The following CFAP251 variants were observed in gnomAD, a reference collection of about 807,000 sequenced individuals.
CFAP251 encodes the protein cilia- and flagella-associated protein 251.
In CFAP251, 93 loss-of-function variants were observed where a neutral mutation model predicts 126.7. The observed-to-expected ratio is 0.73, with a 90% CI of 0.62 to 0.87. CFAP251 has a LOEUF of 0.87. Among genes scored for constraint, CFAP251 ranks in the 40% least tolerant of loss-of-function variants. CFAP251 has a pLI of 0.00. For synonymous variants in CFAP251, 503 were observed against 506.9 expected (o/e 0.99, Z 0.10); for missense variants, 1,287 against 1,389.2 (o/e 0.93, Z 1.17).
intron 19 of CFAP251, among the ~76,000 whole-genome samples, chr12:121,977,960 G>GA (rs1445385680): frequency 6.8e-6 from 1 of 146,750 alleles, no homozygotes; most frequent in Non-Finnish European, 1.5e-5. Context: ...CTCCATCTCA[G>GA]AAAAATAAAA....
rs181847397 is a variant in CFAP251, at chr12:121,938,879, A to T, written c.999-3655A>T. 5.5e-3 allele frequency among the ~76,000 whole-genome samples: 841 copies of T among 151,718 alleles called. 6 individuals carry two copies. Among genetic ancestry groups the T allele is most frequent in the African/African-American group, 0.019 (780 of 41,368 alleles). ...ATGGTGCACTCCTGTAATCCCACCT[A>T]CTCAGAAGGCTGAGACAGAATCGCT... On this transcript the variant is annotated intron_variant, in intron 5 of 21. Coordinates refer to ENST00000288912, the MANE Select transcript of CFAP251 (RefSeq NM_144668.6).
rs760622578 is a variant in CFAP251, at chr12:121,923,802, G to A, written c.559G>A (p.Asp187Asn). 9.9e-6 allele frequency: 16 copies of A among 1,613,958 alleles called. No individual in the cohort carries two copies. The highest frequency in any genetic ancestry group is 5.0e-5 in the Admixed American group (3 of 59,984). Residue 187 changes from aspartate (D) to asparagine (N), a missense_variant, in exon 3 of 22, where the codon GAC becomes AAC. Coordinates refer to ENST00000288912, the MANE Select transcript of CFAP251 (RefSeq NM_144668.6). ...CTCAGGAGAGCTTGAGGAGAAAACC[G>A]ACCGGATGCCCCAAGATGAACTGGG... Reference protein sequence around the residue: ...QPSGELEEKTDRMPQDELGQE... With the variant: ...QPSGELEEKTNRMPQDELGQE...
intron 2 of CFAP251, among the ~76,000 whole-genome samples, chr12:121,923,047 G>A (rs1400761922): frequency 2.0e-5 from 3 of 151,958 alleles, no homozygotes; most frequent in Admixed American, 6.6e-5. Flanking sequence ...TGCCCGCCTC[G>A]GCCTCCCAAA....
chr12:122,000,888 T>C (rs1399816554), intron 20 of CFAP251, among the ~76,000 whole-genome samples: 1 of 151,636 alleles, frequency 6.6e-6, no homozygotes, highest in Non-Finnish European at 1.5e-5. Context: ...CTCTAGATCA[T>C]TTTTGTGTCT....
At chr12:121,985,647 G>T (rs1593003506) in intron 19 of CFAP251, among the ~76,000 whole-genome samples, 1 of 151,522 alleles carries the variant, frequency 6.6e-6, no homozygotes, top group Middle Eastern at 3.4e-3. Context: ...TAAATATTGA[G>T]ATGGAGTCTC....
rs941575141 is a variant in CFAP251, at chr12:121,918,642, G to C, written c.-74G>C. The C allele has an allele frequency of 6.5e-6, 1 of 153,538 alleles. No homozygotes were observed. Among genetic ancestry groups the C allele is most frequent in the Non-Finnish European group, 1.4e-5 (1 of 69,064 alleles). 9.5% of individuals were successfully genotyped at this position (153,538 alleles called of 1,614,324 possible). A position where few individuals can be genotyped will look rare whatever the true frequency, so the allele number is the denominator to read the frequency against. ...TGGCGGCCGCTGGAAGGAGGCCCGG[G>C]AGGTGGCTGAGGGGTCCAGGCGGCG... On this transcript the variant is annotated 5_prime_UTR_variant, in exon 1 of 22. Coordinates refer to ENST00000288912, the MANE Select transcript of CFAP251 (RefSeq NM_144668.6). The surrounding 1 kb of genome is among the most constrained non-coding windows in gnomAD (Gnocchi z 4.3).
In CFAP251 at chr12:121,921,491, G is replaced by GGAGGAGGAAGAGAAA. The variant is rs142042908; in HGVS notation, c.194_195insAGAGAAAGAGGAGGA (p.Glu65_Gly66insGluLysGluGluGlu). The GGAGGAGGAAGAGAAA allele has an allele frequency of 2.3e-4, 363 of 1,608,004 alleles. No individual in the cohort carries two copies. The African/African-American group carries it at 3.0e-3, about 13-fold the overall frequency. On this transcript the variant is annotated inframe_insertion, in exon 2 of 22. Transcript: ENST00000288912. ...AGAGGAAAACGGGCGAGGAGGAAGG[G>GGAGGAGGAAGAGAAA]GAGGAGGAGGGGAAGGAGGACAAAA...
chr12:121,943,758 A>C (rs1395495358), intron 7 of CFAP251, among the ~76,000 whole-genome samples: 1 of 152,058 alleles, frequency 6.6e-6, no homozygotes, highest in Non-Finnish European at 1.5e-5. Context: ...TCATTTCCTG[A>C]TCTTGTTTTA....
intron 17 of CFAP251, chr12:121,968,846 G>A (rs11043276): frequency 0.083 from 80,846 of 974,954 alleles, 11,179 homozygotes; most frequent in African/African-American, 0.55. Flanking sequence ...CAAAGTACTC[G>A]GCAAGTGAAT....
intron 10 of CFAP251, 39 bp from the exon 11 acceptor site, chr12:121,957,035 T>G (rs1303684398): frequency 1.3e-6 from 2 of 1,495,766 alleles, no homozygotes; most frequent in Admixed American, 4.3e-5. Context: ...TACTTGTTAT[T>G]ATTGCTATTT....
At chr12:121,979,536 G>A (rs1049169009) in intron 19 of CFAP251, among the ~76,000 whole-genome samples, 6 of 139,390 alleles carry the variant, frequency 4.3e-5, no homozygotes, top group African/African-American at 1.6e-4. Flanking sequence ...AACACACTGA[G>A]TGAGATCATT....
chr12:121,994,299 C>T (rs1297169068), intron 19 of CFAP251, among the ~76,000 whole-genome samples: 1 of 41,120 alleles, frequency 2.4e-5, no homozygotes, highest in Admixed American at 1.9e-4. Context: ...TCAGCCCCCC[C>T]GCTCGGCCAG....
intron 3 of CFAP251, among the ~76,000 whole-genome samples, chr12:121,928,662 ATATATACGTATATATATATATATATACG>A (rs1880536397): frequency 2.1e-5 from 1 of 47,320 alleles, no homozygotes; most frequent in African/African-American, 6.9e-5. Context: ...ATATACGTAT[ATATATACGTATATATATATATATATACG>A]TATATATATA....
intron 3 of CFAP251, among the ~76,000 whole-genome samples, chr12:121,930,089 T>G (rs1880619715): frequency 6.6e-6 from 1 of 152,238 alleles, no homozygotes; most frequent in African/African-American, 2.4e-5. Context: ...AACACGCATG[T>G]AACTTTCCTC....
rs763991702 is a variant in CFAP251 at position 121,942,900 on chromosome 12, A to T, written c.1116A>T (p.Val372=). 1 of 1,614,154 alleles carries T rather than the reference A, an allele frequency of 6.2e-7. No individual in the cohort carries two copies. The highest frequency in any genetic ancestry group is 8.5e-7 in the Non-Finnish European group (1 of 1,179,992). Residue 372 remains valine (V), a synonymous_variant, in exon 7 of 22, where the codon GTA becomes GTT. Coordinates refer to ENST00000288912, the MANE Select transcript of CFAP251 (RefSeq NM_144668.6). ...ATISDAEVQK[V]CIWKWTLAVE... is the part of the protein sequence containing the mutation. ...CTCTCTACTGTCACCTACAGAAGGT[A>T]TGCATCTGGAAGTGGACTTTGGCAG...
intron 11 of CFAP251, 95 bp from the exon 12 acceptor site, chr12:121,958,177 G>A: frequency 5.2e-6 from 8 of 1,529,750 alleles, no homozygotes; most frequent in South Asian, 3.7e-5. Context: ...AATTACAGAC[G>A]ACAGAGGCGT....
intron 19 of CFAP251, among the ~76,000 whole-genome samples, chr12:121,994,557 C>T (rs1228844060): frequency 2.1e-5 from 1 of 47,784 alleles, no homozygotes; most frequent in Non-Finnish European, 4.2e-5. Context: ...CGGATGGTTG[C>T]CGTGTCTGTG....
intron 19 of CFAP251, 199 bp from the exon 20 acceptor site, chr12:121,999,517 G>T: frequency 6.6e-6 from 3 of 452,864 alleles, no homozygotes; most frequent in Non-Finnish European, 1.2e-5. Context: ...TGTATTTTTA[G>T]TAGAGACAGG....
intron 5 of CFAP251, among the ~76,000 whole-genome samples, chr12:121,941,886 C>T (rs1347891355): frequency 1.3e-5 from 2 of 152,150 alleles, no homozygotes; most frequent in Non-Finnish European, 2.9e-5. Context: ...AAAAGTGCTG[C>T]TCCTTTGCAT....
Sources: gnomAD v4.1 joint callset for allele counts (sites outside exome capture counted in the v4.1 genomes callset) on GRCh38, gnomAD v4.1.1 for gene constraint, Gnocchi (gnomAD v3.1) non-coding constraint, MANE v1.5 for transcripts, NCBI Gene and HGNC (gene_info 2026-07-23, HGNC 2026-07-21) for gene names.